The following CSTB variants were observed in gnomAD, a reference collection of about 807,000 sequenced individuals.
CSTB encodes cystatin B.
Under a neutral mutation model 7.6 loss-of-function variants are expected in CSTB, and 8 were observed. The ratio of observed to expected loss-of-function variants is 1.05; its 90% confidence interval spans 0.62 to 1.89. The LOEUF is 1.89. Ranked by LOEUF, CSTB falls within the 40% of genes most tolerant of loss-of-function variation. The pLI is 0.00. For missense variants in CSTB, 124 were observed against 126.4 expected (o/e 0.98, Z 0.09); for synonymous variants, 56 against 55.3 (o/e 1.01, Z -0.06).
At position 43,776,230 on chromosome 21, in the gene CSTB, C is replaced by T. The variant is rs1169287716; in HGVS notation, c.40G>A (p.Ala14Thr). The change falls in exon 1 of 3, where the codon GCC becomes ACC. Residue 14 changes from alanine to threonine, a missense_variant. Ala to Thr is a moderately conservative substitution (Grantham distance 58). Coordinates refer to ENST00000291568, the MANE Select transcript of CSTB (RefSeq NM_000100.4). The part of the protein sequence containing the change: ...GAPSATQPAT[A>T]ETQHIADQVR... Reference sequence around the variant, plus strand: ...TGGTCGGCGATGTGCTGGGTCTCGGCGGTGGCCGGCTGCGTGGCGGAGGGC... The same window carrying T: ...TGGTCGGCGATGTGCTGGGTCTCGGTGGTGGCCGGCTGCGTGGCGGAGGGC... 2.0e-6 allele frequency: 3 copies of T among 1,531,526 alleles called. No individual in the cohort carries two copies. Among genetic ancestry groups the T allele is most frequent in the East Asian group, 5.0e-5 (2 of 40,010 alleles). The allele number at this position is 1,531,526 out of a possible 1,614,324, so 94.9% of individuals were successfully genotyped here.
intron 2 of CSTB, 78 bp from the exon 3 acceptor site, chr21:43,774,408 C>A: frequency 1.2e-6 from 2 of 1,604,670 alleles, no homozygotes; most frequent in Non-Finnish European, 1.7e-6. Flanking sequence ...TAGCAGCCAG[C>A]TGAAGACAAT....
At position 43,776,277 on chromosome 21, in the gene CSTB, G is replaced by A; in HGVS notation, c.-8C>T. ...GGGCGCCCCGCACATCATCTTGGCG[G>A]CGACGGAGGGAATCTGGCGAGGGGA... On this transcript the variant is annotated 5_prime_UTR_variant, in exon 1 of 3. Transcript: ENST00000291568. The A allele has an allele frequency of 1.3e-6, 2 of 1,529,250 alleles. No individual in the cohort carries two copies. The highest frequency in any genetic ancestry group is 1.2e-5 in the South Asian group (1 of 82,340). The allele number at this position is 1,529,250 out of a possible 1,614,324, so 94.7% of individuals were successfully genotyped here. A position where few individuals can be genotyped will look rare whatever the true frequency, so the allele number is the denominator to read the frequency against.
chr21:43,775,639 T>A (rs1344515109), intron 1 of CSTB: 1 of 152,148 alleles, frequency 6.6e-6, no homozygotes, highest in East Asian at 1.9e-4. Context: ...TCTCTCATGA[T>A]TTTTTTCCCG....
At chr21:43,775,015 G>C in intron 1 of CSTB, 2 of 523,268 alleles carry the variant, frequency 3.8e-6, no homozygotes, top group South Asian at 4.1e-5. Context: ...CTTGAGGTCA[G>C]GAGTTTGAGA....
chr21:43,774,552 C>T (rs1282480443), intron 2 of CSTB, 106 bp downstream of exon 2: 4 of 1,175,748 alleles, frequency 3.4e-6, no homozygotes, highest in Non-Finnish European at 5.1e-6. Flanking sequence ...TCTCAGGGGG[C>T]AGCCACAGGG....
rs745589113 is a variant in CSTB, at chr21:43,774,639, C to A, written c.168+19G>T. ...CCAGCACCCGTTCGGGGCAGGCCCT[C>A]CTGAGGCCCACACTCTACCTTGATG... On this transcript the variant is annotated intron_variant, in intron 2 of 2. Transcript: ENST00000291568. 18 of 1,604,922 alleles carry A rather than the reference C, an allele frequency of 1.1e-5. No homozygotes were observed. Among genetic ancestry groups the A allele is most frequent in the Admixed American group, 1.7e-5 (1 of 60,002 alleles).
At position 43,776,266 on chromosome 21, in the gene CSTB, T is replaced by A; in HGVS notation, c.4A>T (p.Met2Leu). 1 of 1,528,820 alleles carries A rather than the reference T, an allele frequency of 6.5e-7. No individual in the cohort carries two copies. 94.7% of individuals were successfully genotyped at this position (1,528,820 alleles called of 1,614,324 possible). Residue 2 changes from methionine (M) to leucine (L), a missense_variant, in exon 1 of 3, where the codon ATG (methionine) becomes TTG (leucine). Coordinates refer to ENST00000291568, the MANE Select transcript of CSTB (RefSeq NM_000100.4). M[M>L]CGAPSATQPA... ...TGCGTGGCGGAGGGCGCCCCGCACA[T>A]CATCTTGGCGGCGACGGAGGGAATC... is the stretch of plus-strand genomic sequence containing the variant.
In CSTB at chr21:43,776,242, G is replaced by C. The variant is rs1399970116; in HGVS notation, c.28C>G (p.Gln10Glu). The change falls in exon 1 of 3, where the codon CAG becomes GAG. Residue 10 changes from glutamine to glutamate, a missense_variant. Coordinates refer to ENST00000291568, the MANE Select transcript of CSTB (RefSeq NM_000100.4). The part of the protein sequence containing the change: MMCGAPSAT[Q>E]PATAETQHIA... ...TGCTGGGTCTCGGCGGTGGCCGGCT[G>C]CGTGGCGGAGGGCGCCCCGCACATC... 2.0e-5 allele frequency: 31 copies of C among 1,529,314 alleles called. No homozygotes were observed. The highest frequency in any genetic ancestry group is 2.7e-5 in the Non-Finnish European group (31 of 1,141,090). 94.7% of individuals were successfully genotyped at this position (1,529,314 alleles called of 1,614,324 possible). A position where few individuals can be genotyped will look rare whatever the true frequency, so the allele number is the denominator to read the frequency against.
intron 1 of CSTB, chr21:43,775,486 T>A (rs2084005587): frequency 6.5e-6 from 1 of 154,556 alleles, no homozygotes; most frequent in Admixed American, 6.3e-5. Context: ...TATCTTGTTT[T>A]TCTGTGTTTT....
Position 43,776,306 on chromosome 21 carries a change from G to A in CSTB, c.-37C>T. The A allele has an allele frequency of 6.6e-7, 1 of 1,509,930 alleles. No homozygotes were observed. The highest frequency in any genetic ancestry group is 8.9e-7 in the Non-Finnish European group (1 of 1,128,264). The allele number at this position is 1,509,930 out of a possible 1,614,324, so 93.5% of individuals were successfully genotyped here. ...CGGAGGGAATCTGGCGAGGGGACTC[G>A]GCGAGGGGACGCGGCGGCTCCTCAG... On this transcript the variant is annotated 5_prime_UTR_variant, in exon 1 of 3. Transcript: ENST00000291568.
Position 43,773,957 on chromosome 21 carries a change from T to C in CSTB, c.*245A>G. On this transcript the variant is annotated 3_prime_UTR_variant, in exon 3 of 3. Coordinates refer to ENST00000291568, the MANE Select transcript of CSTB (RefSeq NM_000100.4). ...AACAAAGGAGGCAATCTGTAAGGAT[T>C]TTAAAAATATATCTATTTTGAAAAT... The C allele has an allele frequency of 1.9e-6, 1 of 538,976 alleles. No individual in the cohort carries two copies. The highest frequency in any genetic ancestry group is 3.3e-6 in the Non-Finnish European group (1 of 302,288). 33.4% of individuals were successfully genotyped at this position (538,976 alleles called of 1,614,324 possible). A position where few individuals can be genotyped will look rare whatever the true frequency, so the allele number is the denominator to read the frequency against.
In CSTB at chr21:43,774,344, G is replaced by T; in HGVS notation, c.169-14C>A. 1 of 1,614,112 alleles carries T rather than the reference G, an allele frequency of 6.2e-7. No homozygotes were observed. On this transcript the variant is annotated splice_polypyrimidine_tract_variant and intron_variant, in intron 2 of 2. Coordinates refer to ENST00000291568, the MANE Select transcript of CSTB (RefSeq NM_000100.4). ...GCCGACGTGCACCTGGGAAGAGAGCGGAGTGAGCGAAGCCTCTGATCCCAA... is the reference window on the plus strand; with the variant it reads ...GCCGACGTGCACCTGGGAAGAGAGCTGAGTGAGCGAAGCCTCTGATCCCAA...
chr21:43,775,061 A>T (rs1055981571), intron 1 of CSTB: 1 of 412,762 alleles, frequency 2.4e-6, no homozygotes, highest in Admixed American at 3.6e-5. Flanking sequence ...CGTTTCTACT[A>T]AAAATACAAA....
rs1305028056 is a variant in CSTB at position 43,774,505 on chromosome 21, C to T, written c.168+153G>A. On this transcript the variant is annotated intron_variant, in intron 2 of 2. Transcript: ENST00000291568. ...TTAGCTCCCCAGAAGCCCTAGTCCTCCTGAAAGGCCGATGGACACACACAG... is the reference window on the plus strand; with the variant it reads ...TTAGCTCCCCAGAAGCCCTAGTCCTTCTGAAAGGCCGATGGACACACACAG... 4 of 1,181,516 alleles carry T rather than the reference C, an allele frequency of 3.4e-6. No individual in the cohort carries two copies. In the African/African-American group the frequency reaches 6.0e-5, roughly 18 times the overall value. The allele number at this position is 1,181,516 out of a possible 1,614,324, so 73.2% of individuals were successfully genotyped here.
Position 43,774,306 on chromosome 21 carries a change from C to G in CSTB, c.193G>C (p.Val65Leu), listed in dbSNP as rs570768038. The G allele has an allele frequency of 5.0e-6, 8 of 1,614,052 alleles. No homozygotes were observed. In the Admixed American group the frequency reaches 8.3e-5, roughly 17 times the overall value. The change falls in exon 3 of 3, where the codon GTA becomes CTA. Residue 65 changes from valine to leucine, a missense_variant. Coordinates refer to ENST00000291568, the MANE Select transcript of CSTB (RefSeq NM_000100.4). Reference sequence around the variant, plus strand: ...AGAGATTGGAACACTCGCAGGTGTACGAAGTCCTCGTCGCCGACGTGCACC... The same window carrying G: ...AGAGATTGGAACACTCGCAGGTGTAGGAAGTCCTCGTCGCCGACGTGCACC... ...IKVHVGDEDFVHLRVFQSLPH... is the reference protein window; with the variant it reads ...IKVHVGDEDFLHLRVFQSLPH...
At position 43,774,676 on chromosome 21, in the gene CSTB, C is replaced by T. The variant is rs372787200; in HGVS notation, c.150G>A (p.Gly50=). ...ACTCTACCTTGATGAAGTAGTTTGTCCCCGCGACCACCTGGCTCTTGAATG... is the reference window on the plus strand; with the variant it reads ...ACTCTACCTTGATGAAGTAGTTTGTTCCCGCGACCACCTGGCTCTTGAATG... ...AVSFKSQVVA[G]TNYFIKVHVG... is the part of the protein sequence containing the mutation. The change falls in exon 2 of 3, where the codon GGG becomes GGA. Residue 50 remains glycine (G), a synonymous_variant. Transcript: ENST00000291568. The T allele has an allele frequency of 3.7e-6, 6 of 1,613,874 alleles. No homozygotes were observed. The highest frequency in any genetic ancestry group is 5.1e-6 in the Non-Finnish European group (6 of 1,179,886).
At chr21:43,776,024 C>A (rs1053882210) in intron 1 of CSTB, 180 bp downstream of exon 1, 6 of 510,682 alleles carry the variant, frequency 1.2e-5, no homozygotes, top group Non-Finnish European at 2.0e-5. Context: ...CCAGGCGCGG[C>A]CCCCCGCTGC....
intron 1 of CSTB, 49 bp downstream of exon 1, chr21:43,776,155 G>A (rs1330579398): frequency 1.3e-6 from 2 of 1,485,738 alleles, no homozygotes; most frequent in Admixed American, 2.0e-5. Context: ...GCCGCGCCCT[G>A]AGGCTAAGGC....
In CSTB at chr21:43,774,276, G is replaced by A. The variant is rs765382240; in HGVS notation, c.223C>T (p.His75Tyr). Reference sequence around the variant, plus strand: ...GATAAGGTCAAGGGCTTGTTTTCATGAGGGAGAGATTGGAACACTCGCAGG... The same window carrying A: ...GATAAGGTCAAGGGCTTGTTTTCATAAGGGAGAGATTGGAACACTCGCAGG... ...VHLRVFQSLP[H>Y]ENKPLTLSNY... is the part of the protein sequence containing the mutation. The change falls in exon 3 of 3, where the codon CAT becomes TAT. Residue 75 changes from histidine (H) to tyrosine (Y), a missense_variant. By Grantham distance (83) the His-to-Tyr change is moderately conservative. Coordinates refer to ENST00000291568, the MANE Select transcript of CSTB (RefSeq NM_000100.4). 1.9e-6 allele frequency: 3 copies of A among 1,614,216 alleles called. No individual in the cohort carries two copies. Among genetic ancestry groups the A allele is most frequent in the Admixed American group, 1.7e-5 (1 of 60,034 alleles).
Sources: gnomAD v4.1 joint callset for allele counts on GRCh38, gnomAD v4.1.1 for gene constraint, MANE v1.5 for transcripts, NCBI Gene and HGNC (gene_info 2026-07-23, HGNC 2026-07-21) for gene names.